Variants in KCNAB1 observed in about 807,000 individuals in gnomAD.
KCNAB1 encodes the protein potassium voltage-gated channel subfamily A regulatory beta subunit 1, also known as voltage-gated potassium channel subunit beta-1.
A neutral mutation model predicts 64.6 loss-of-function variants in KCNAB1; 35 were observed. That is an observed-to-expected ratio of 0.54 (90% CI 0.41 to 0.72). The LOEUF (loss-of-function observed/expected upper bound fraction) is 0.72. Among genes scored for constraint, KCNAB1 ranks in the 30% least tolerant of loss-of-function variants. The probability of loss-of-function intolerance (pLI) is 0.00; values close to 1 mark genes in which losing one functional copy is unlikely to be tolerated. For synonymous variants in KCNAB1, 177 were observed against 183.8 expected (o/e 0.96, Z 0.30); for missense variants, 401 against 512.9 (o/e 0.78, Z 2.11).
At chr3:156,536,486 C>T (rs564789740) in intron 13 of KCNAB1, 172 bp from the exon 14 acceptor site, 4 of 594,346 alleles carry the variant, frequency 6.7e-6, no homozygotes, top group African/African-American at 5.6e-5. Context: ...TCAACAAGGC[C>T]CCTGACCTCA....
chr3:156,275,629 G>T (rs1402463486), intron 1 of KCNAB1, among the ~76,000 whole-genome samples: 1 of 152,142 alleles, frequency 6.6e-6, no homozygotes, highest in Non-Finnish European at 1.5e-5. Context: ...ATCATTTGTT[G>T]TCATTTCAAG....
At chr3:156,122,194 C>T (rs1032467613) in intron 1 of KCNAB1, among the ~76,000 whole-genome samples, 9 of 152,030 alleles carry the variant, frequency 5.9e-5, no homozygotes, top group South Asian at 2.1e-4. Context: ...AAAGTAGTCT[C>T]GTTTAAAGAA....
intron 1 of KCNAB1, among the ~76,000 whole-genome samples, chr3:156,123,814 T>TAAA (rs1235507536): frequency 6.6e-6 from 1 of 152,112 alleles, no homozygotes; most frequent in Non-Finnish European, 1.5e-5. Context: ...GCATGTTTTT[T>TAAA]AAAAAAAGTA....
In KCNAB1 at chr3:156,120,920, G is replaced by A. The variant is rs370770682; in HGVS notation, c.275+34G>A. On this transcript the variant is annotated intron_variant, in intron 1 of 13. Coordinates refer to ENST00000490337, the MANE Select transcript of KCNAB1 (RefSeq NM_172160.3). Reference sequence around the variant, plus strand: ...CCCCTGCTCTGCGCGGGCTTTGGGAGACGCCGTTCGAAGGTGCTCTGGAGA... The same window carrying A: ...CCCCTGCTCTGCGCGGGCTTTGGGAAACGCCGTTCGAAGGTGCTCTGGAGA... 1.0e-4 allele frequency: 168 copies of A among 1,605,366 alleles called. No homozygotes were observed. In the African/African-American group the frequency reaches 1.8e-3, roughly 17 times the overall value.
At chr3:156,209,298 A>G (rs1177088235) in intron 1 of KCNAB1, among the ~76,000 whole-genome samples, 2 of 152,208 alleles carry the variant, frequency 1.3e-5, no homozygotes, top group Non-Finnish European at 2.9e-5. Flanking sequence ...GCATGTGCAA[A>G]GGTACTATGG....
chr3:156,339,373 C>G (rs1232712078), intron 1 of KCNAB1, among the ~76,000 whole-genome samples: 2 of 152,214 alleles, frequency 1.3e-5, no homozygotes, highest in Admixed American at 1.3e-4. Flanking sequence ...GCCACACACA[C>G]ACACCCAAAT....
At chr3:156,311,109 T>A (rs1721870710) in intron 1 of KCNAB1, among the ~76,000 whole-genome samples, 1 of 152,120 alleles carries the variant, frequency 6.6e-6, no homozygotes, top group South Asian at 2.1e-4. Context: ...AGCACTGGAT[T>A]AGGGTAGGAT....
intron 1 of KCNAB1, among the ~76,000 whole-genome samples, chr3:156,184,899 C>T (rs1384865581): frequency 6.6e-6 from 1 of 152,184 alleles, no homozygotes. Context: ...TCATGTCTAA[C>T]ATGCCAGGCT....
intron 1 of KCNAB1, among the ~76,000 whole-genome samples, chr3:156,419,706 C>A (rs1272437071): frequency 6.6e-6 from 1 of 152,114 alleles, no homozygotes. Context: ...GAGGAAGCCA[C>A]CACCTCATGT....
chr3:156,402,162 AGAG>A (rs759936482), intron 1 of KCNAB1, among the ~76,000 whole-genome samples: 1 of 151,082 alleles, frequency 6.6e-6, no homozygotes, highest in Non-Finnish European at 1.5e-5. Flanking sequence ...AAAAAAAAAA[AGAG>A]AGAAAAGAAA....
At chr3:156,396,224 A>G (rs1157587681) in intron 1 of KCNAB1, among the ~76,000 whole-genome samples, 2 of 152,186 alleles carry the variant, frequency 1.3e-5, no homozygotes, top group African/African-American at 4.8e-5. Flanking sequence ...TTTTTTATGC[A>G]TAGCTAGCAC....
At chr3:156,140,526 A>G (rs1455912930) in intron 1 of KCNAB1, among the ~76,000 whole-genome samples, 1 of 152,104 alleles carries the variant, frequency 6.6e-6, no homozygotes, top group Non-Finnish European at 1.5e-5. Context: ...CATTAATCCT[A>G]TTCTGAGGGC....
intron 1 of KCNAB1, among the ~76,000 whole-genome samples, chr3:156,411,240 G>A (rs748800473): frequency 1.1e-4 from 16 of 151,788 alleles, no homozygotes; most frequent in Non-Finnish European, 1.9e-4. Flanking sequence ...TGTCTTCTTT[G>A]GTGAAGTATC....
At chr3:156,441,263 G>A (rs948383623) in intron 2 of KCNAB1, 2 of 152,054 alleles carry the variant, frequency 1.3e-5, no homozygotes, top group Admixed American at 1.3e-4. Flanking sequence ...AATTATTACT[G>A]TTTGGGAGAG....
intron 1 of KCNAB1, among the ~76,000 whole-genome samples, chr3:156,395,268 G>A (rs1219770575): frequency 4.6e-5 from 7 of 152,118 alleles, no homozygotes; most frequent in African/African-American, 7.2e-5. Flanking sequence ...TGTTAGGGCC[G>A]GGCGCGGTGG....
chr3:156,293,109 G>T (rs771484153), intron 1 of KCNAB1, among the ~76,000 whole-genome samples: 2 of 152,150 alleles, frequency 1.3e-5, no homozygotes, highest in African/African-American at 2.4e-5. Flanking sequence ...AATAGTGGCT[G>T]CTCTAATAGG....
chr3:156,236,176 C>G (rs949680817), intron 1 of KCNAB1, among the ~76,000 whole-genome samples: 4 of 152,194 alleles, frequency 2.6e-5, no homozygotes, highest in African/African-American at 9.7e-5. Context: ...ATGCCAAACT[C>G]TTTTCAGCTC....
chr3:156,169,702 G>A (rs937924379), intron 1 of KCNAB1, among the ~76,000 whole-genome samples: 10 of 152,208 alleles, frequency 6.6e-5, no homozygotes, highest in African/African-American at 2.4e-4. Context: ...TCATGGGATC[G>A]GACAGTTTGA....
chr3:156,342,344 G>C (rs1475154683), intron 1 of KCNAB1, among the ~76,000 whole-genome samples: 3 of 152,154 alleles, frequency 2.0e-5, no homozygotes, highest in African/African-American at 7.2e-5. Context: ...TAATCCGAGG[G>C]AGTGCACCAA....
Sources: allele counts gnomAD v4.1 joint callset (sites outside exome capture counted in the v4.1 genomes callset), GRCh38; gene constraint gnomAD v4.1.1; transcripts MANE v1.5; gene names NCBI Gene and HGNC (gene_info 2026-07-23, HGNC 2026-07-21).